MIA2: variants seen among roughly 807,000 people sequenced by gnomAD.
MIA2 encodes the protein MIA SH3 domain ER export factor 2.
A neutral mutation model predicts 167.8 loss-of-function variants in MIA2; 127 were observed. The observed-to-expected ratio is 0.76, with a 90% CI of 0.66 to 0.88. The LOEUF (loss-of-function observed/expected upper bound fraction) is 0.88, where lower values mean the gene tolerates loss of function less well. Ranked by LOEUF, MIA2 falls within the 40% of genes least tolerant of loss-of-function variation. The pLI, the probability that MIA2 is intolerant of heterozygous loss-of-function variation, is 0.00. For missense variants in MIA2, 1,690 were observed against 1,624.7 expected (o/e 1.04, Z -0.69); for synonymous variants, 552 against 541.9 (o/e 1.02, Z -0.26).
intron 6 of MIA2, among the ~76,000 whole-genome samples, chr14:39,263,631 C>CTTTTT (rs1310425681): frequency 8.8e-6 from 1 of 113,524 alleles, no homozygotes; most frequent in Non-Finnish European, 1.8e-5. Flanking sequence ...CTCTCTCTCT[C>CTTTTT]TCTTTTTTTT....
At chr14:39,356,619 T>G (rs1423862950) in intron 23 of MIA2, among the ~76,000 whole-genome samples, 1 of 151,552 alleles carries the variant, frequency 6.6e-6, no homozygotes, top group Non-Finnish European at 1.5e-5. Context: ...TTTGCTCTTC[T>G]CTAGTTCTTT....
chr14:39,255,962 A>C (rs534085403), intron 6 of MIA2, among the ~76,000 whole-genome samples: 1 of 152,186 alleles, frequency 6.6e-6, no homozygotes, highest in Non-Finnish European at 1.5e-5. Flanking sequence ...CAATAACAGA[A>C]GCTGAGATGA....
intron 23 of MIA2, among the ~76,000 whole-genome samples, chr14:39,382,279 A>G (rs1260979339): frequency 6.6e-6 from 1 of 152,218 alleles, no homozygotes; most frequent in Admixed American, 6.5e-5. Context: ...AAATCATCCT[A>G]TTTGAGCAAT....
rs3065036 is a variant in MIA2, at chr14:39,269,074, G to GTTTTTTTTTTTTTTT, written c.1888-7849_1888-7835dup. 235 of 583,206 alleles carry GTTTTTTTTTTTTTTT rather than the reference G, an allele frequency of 4.0e-4. 24 individuals are homozygous for GTTTTTTTTTTTTTTT. The highest frequency in any genetic ancestry group is 7.7e-4 in the Middle Eastern group (1 of 1,292). 36.1% of individuals were successfully genotyped at this position (583,206 alleles called of 1,614,324 possible). A position where few individuals can be genotyped will look rare whatever the true frequency, so the allele number is the denominator to read the frequency against. On this transcript the variant is annotated intron_variant, in intron 6 of 28. Coordinates refer to ENST00000640607, the MANE Select transcript of MIA2 (RefSeq NM_001329214.4). ...GGTGCGTTGTATCTTCACCTGCACA[G>GTTTTTTTTTTTTTTT]TTTTTTTTTTTTTTTTTTTTTTTTT...
At chr14:39,270,117 A>G (rs1299536474) in intron 6 of MIA2, among the ~76,000 whole-genome samples, 2 of 151,940 alleles carry the variant, frequency 1.3e-5, no homozygotes, top group African/African-American at 2.4e-5. Context: ...CATTCTCTCC[A>G]ACGCTTGTGA....
intron 25 of MIA2, among the ~76,000 whole-genome samples, chr14:39,342,286 T>G (rs1595839368): frequency 6.6e-6 from 1 of 151,956 alleles, no homozygotes; most frequent in Admixed American, 6.6e-5. Context: ...CTTGCGATAG[T>G]TTGCTGAGAA....
downstream of MIA2, chr14:39,351,391 CA>C (rs1388644695): frequency 2.3e-5 from 3 of 132,790 alleles, no homozygotes; most frequent in African/African-American, 8.5e-5. Flanking sequence ...AAAAAAAAAA[CA>C]AAAAACAAAA....
At chr14:39,337,659 A>G (rs771018978) in intron 25 of MIA2, among the ~76,000 whole-genome samples, 15 of 152,188 alleles carry the variant, frequency 9.9e-5, no homozygotes, top group Non-Finnish European at 2.1e-4. Context: ...ATGTATCTCA[A>G]TGGTTGAGTG....
rs186859762 is a variant in MIA2 at position 39,257,156 on chromosome 14, G to A, written c.1887+3985G>A. 9.5e-4 allele frequency among the ~76,000 whole-genome samples: 144 copies of A among 152,216 alleles called. 2 individuals carry two copies. The highest frequency in any genetic ancestry group is 4.5e-3 in the Admixed American group (68 of 15,274). On this transcript the variant is annotated intron_variant, in intron 6 of 28. Coordinates refer to ENST00000640607, the MANE Select transcript of MIA2 (RefSeq NM_001329214.4). The stretch of plus-strand genomic sequence containing the variant: ...AATAACCTTGTTAATTTTCTGTCTC[G>A]TTGATCTGTCATAATATTGACAGTG...
At chr14:39,386,666 A>C (rs2139384365) in intron 23 of MIA2, 1 of 1,114,438 alleles carries the variant, frequency 9.0e-7, no homozygotes, top group South Asian at 1.3e-5. Flanking sequence ...GTTCCAGATC[A>C]AAGACCTTCT....
At chr14:39,238,100 T>G (rs1473529657) in intron 2 of MIA2, among the ~76,000 whole-genome samples, 1 of 152,084 alleles carries the variant, frequency 6.6e-6, no homozygotes, top group Non-Finnish European at 1.5e-5. Context: ...GACATGTGTT[T>G]CTGAGCAAAT....
chr14:39,295,147 C>A, intron 13 of MIA2, 118 bp downstream of exon 13: 1 of 717,410 alleles, frequency 1.4e-6, no homozygotes, highest in Non-Finnish European at 2.5e-6. Context: ...AGCATGAGAG[C>A]AGGACAGTCT....
intron 6 of MIA2, among the ~76,000 whole-genome samples, chr14:39,274,546 C>T (rs1050199521): frequency 6.6e-6 from 1 of 150,892 alleles, no homozygotes; most frequent in African/African-American, 2.4e-5. Context: ...GTATCTCAGC[C>T]TCCCAAGTAG....
In MIA2 at chr14:39,364,748, TG is replaced by T. The variant is rs1319808282; in HGVS notation, c.2248+15772del. On this transcript the variant is annotated intron_variant, in intron 23 of 23. Transcript: ENST00000341502. ...GTTTTGTTTTTGTTTTGTTTTGTTT[TG>T]TTTTTTTAGCACTGCAATATATTAT... is the stretch of plus-strand genomic sequence containing the variant. Among the ~76,000 whole-genome samples the T allele has an allele frequency of 6.6e-5, 10 of 152,166 alleles. No homozygotes were observed. In the East Asian group the frequency reaches 9.6e-4, roughly 15 times the overall value.
chr14:39,253,409 T>C, intron 6 of MIA2: 1 of 550,702 alleles, frequency 1.8e-6, no homozygotes, highest in East Asian at 3.3e-5. Flanking sequence ...GTTTGCTTTT[T>C]ACTCCACCCT....
rs200876456 is a variant in MIA2, at chr14:39,252,786, G to C, written c.1606G>C (p.Glu536Gln). Reference protein sequence around the residue: ...SNIELPTRIHEEVYFEPSSSK... With the variant: ...SNIELPTRIHQEVYFEPSSSK... ...CATAGAGTTACCTACGAGAATTCAC[G>C]AAGAAGTATATTTTGAACCCTCATC... The change falls in exon 5 of 29, where the codon GAA (glutamate) becomes CAA (glutamine). Residue 536 changes from glutamate (E) to glutamine (Q), a missense_variant. Physicochemically the swap from Glu to Gln is conservative, Grantham distance 29. Transcript: ENST00000640607. 14 of 1,613,490 alleles carry C rather than the reference G, an allele frequency of 8.7e-6. No individual in the cohort carries two copies. The highest frequency in any genetic ancestry group is 4.2e-6 in the Non-Finnish European group (5 of 1,179,662).
At chr14:39,310,670 G>T (rs2064091199) in intron 18 of MIA2, among the ~76,000 whole-genome samples, 1 of 152,146 alleles carries the variant, frequency 6.6e-6, no homozygotes, top group Admixed American at 6.6e-5. Flanking sequence ...CAAATAATGA[G>T]AATCTACTTT....
intron 9 of MIA2, among the ~76,000 whole-genome samples, chr14:39,289,809 TAAG>T (rs2060482105): frequency 6.6e-6 from 1 of 152,202 alleles, no homozygotes; most frequent in Non-Finnish European, 1.5e-5. Flanking sequence ...GGGCAAAAGT[TAAG>T]ATAGCAGCAA....
At chr14:39,386,212 A>G in intron 23 of MIA2, 1 of 1,392,094 alleles carries the variant, frequency 7.2e-7, no homozygotes, top group Non-Finnish European at 1.0e-6. Context: ...CAGATTTTAT[A>G]CCCAGTTTGT....
Sources: allele counts gnomAD v4.1 joint callset (sites outside exome capture counted in the v4.1 genomes callset), GRCh38; gene constraint gnomAD v4.1.1; transcripts MANE v1.5; gene names NCBI Gene and HGNC (gene_info 2026-07-23, HGNC 2026-07-21).